Variants in ASXL3 observed in about 807,000 individuals in gnomAD.
The protein encoded by ASXL3 is ASXL transcriptional regulator 3, also known as putative Polycomb group protein ASXL3.
Under a neutral mutation model 170.6 loss-of-function variants are expected in ASXL3, and 34 were observed. That is an observed-to-expected ratio of 0.20 (90% CI 0.15 to 0.27). ASXL3 has a LOEUF of 0.27. Ranked by LOEUF, ASXL3 falls within the 10% of genes least tolerant of loss-of-function variation. ASXL3 has a pLI of 1.00. For synonymous variants in ASXL3, 1,002 were observed against 989.1 expected (o/e 1.01, Z -0.24); for missense variants, 2,592 against 2,695.3 (o/e 0.96, Z 0.85).
At chr18:33,664,527 T>C (rs1003668396) in intron 5 of ASXL3, among the ~76,000 whole-genome samples, 4 of 152,218 alleles carry the variant, frequency 2.6e-5, no homozygotes, top group Non-Finnish European at 5.9e-5. Flanking sequence ...AGTAGGACTT[T>C]AGTAGTCTAT....
chr18:33,745,014 G>A lies in ASXL3; in HGVS notation c.5166G>A (p.Leu1722=). 1 of 1,614,004 alleles carries A rather than the reference G, an allele frequency of 6.2e-7. No individual in the cohort carries two copies. The highest frequency in any genetic ancestry group is 2.2e-5 in the East Asian group (1 of 44,870). The part of the protein sequence containing the change: ...TSSPMEEAIS[L]ATDALKRVPG... ...GTCCCATGGAAGAGGCTATTTCCTT[G>A]GCTACCGATGCCCTGAAGAGAGTCC... The change falls in exon 12 of 12, where the codon TTG becomes TTA. Residue 1722 remains leucine (L), a synonymous_variant. Transcript: ENST00000269197.
intron 8 of ASXL3, among the ~76,000 whole-genome samples, chr18:33,713,237 TGTTTTG>T (rs1400767650): frequency 0.07 from 6,077 of 86,940 alleles, 1,215 homozygotes; most frequent in Non-Finnish European, 0.083. Flanking sequence ...AGGTTTTTTT[TGTTTTG>T]TTTTGTTTTT....
At chr18:33,581,774 C>T (rs1263634191) in intron 1 of ASXL3, among the ~76,000 whole-genome samples, 1 of 152,118 alleles carries the variant, frequency 6.6e-6, no homozygotes, top group Non-Finnish European at 1.5e-5. Context: ...AGCTATCAAG[C>T]TGTATCATTT....
intron 2 of ASXL3, chr18:33,609,113 A>G: frequency 1.0e-6 from 1 of 959,354 alleles, no homozygotes; most frequent in Non-Finnish European, 1.2e-6. Context: ...GTTAAAGGAG[A>G]TCCTATTTTA....
intron 8 of ASXL3, among the ~76,000 whole-genome samples, chr18:33,723,811 C>T (rs2067301590): frequency 6.6e-6 from 1 of 152,092 alleles, no homozygotes; most frequent in South Asian, 2.1e-4. Flanking sequence ...TTATTGTCAG[C>T]TTATTTTAAG....
intron 8 of ASXL3, among the ~76,000 whole-genome samples, chr18:33,712,566 G>C (rs1187015097): frequency 6.6e-6 from 1 of 152,120 alleles, no homozygotes; most frequent in Non-Finnish European, 1.5e-5. Context: ...TGAAACAAAA[G>C]CTCCTCTGAT....
Position 33,624,974 on chromosome 18 carries a change from C to T in ASXL3, c.137+17298C>T, listed in dbSNP as rs74415857. 4.8e-3 allele frequency among the ~76,000 whole-genome samples: 727 copies of T among 152,154 alleles called. 7 individuals are homozygous for T. Among genetic ancestry groups the T allele is most frequent in the African/African-American group, 0.017 (688 of 41,520 alleles). ...TAATTATGAACAGTAATCTGGTTTC[C>T]GAGATTCTTGTAAATTGCACATACA... On this transcript the variant is annotated intron_variant, in intron 2 of 11. Transcript: ENST00000269197.
At chr18:33,667,007 A>G (rs542053331) in intron 5 of ASXL3, among the ~76,000 whole-genome samples, 33 of 152,272 alleles carry the variant, frequency 2.2e-4, no homozygotes, top group African/African-American at 7.9e-4. Flanking sequence ...TACTTAGGTG[A>G]GAGGAGCCCT....
At chr18:33,652,755 A>G (rs1011659769) in intron 4 of ASXL3, among the ~76,000 whole-genome samples, 2 of 151,960 alleles carry the variant, frequency 1.3e-5, no homozygotes, top group South Asian at 4.1e-4. Context: ...GATTCTTGGC[A>G]GAGTTGTGTT....
At chr18:33,681,772 T>C (rs981677048) in intron 7 of ASXL3, among the ~76,000 whole-genome samples, 3 of 151,962 alleles carry the variant, frequency 2.0e-5, no homozygotes, top group African/African-American at 7.3e-5. Context: ...TCTGTGTTTT[T>C]TTTAAAATTC....
At chr18:33,736,038 G>A (rs1282036411) in intron 10 of ASXL3, among the ~76,000 whole-genome samples, 1 of 152,060 alleles carries the variant, frequency 6.6e-6, no homozygotes, top group Non-Finnish European at 1.5e-5. Flanking sequence ...TCCATAAGAT[G>A]GATACCATTA....
intron 2 of ASXL3, among the ~76,000 whole-genome samples, chr18:33,641,019 ATTATG>A (rs977208624): frequency 1.3e-5 from 2 of 152,080 alleles, no homozygotes; most frequent in African/African-American, 4.8e-5. Context: ...ATTATAAATC[ATTATG>A]TTATATATAA....
chr18:33,699,694 T>C (rs2066836908), intron 8 of ASXL3, among the ~76,000 whole-genome samples: 1 of 152,060 alleles, frequency 6.6e-6, no homozygotes, highest in African/African-American at 2.4e-5. Context: ...ATGGAACGTG[T>C]GCAATGGAAC....
chr18:33,745,358 A>G lies in ASXL3; in HGVS notation c.5510A>G (p.Glu1837Gly). The G allele has an allele frequency of 3.7e-6, 6 of 1,613,994 alleles. No homozygotes were observed. The highest frequency in any genetic ancestry group is 5.1e-6 in the Non-Finnish European group (6 of 1,179,886). The change falls in exon 12 of 12, where the codon GAA (glutamate) becomes GGA (glycine). Residue 1837 changes from glutamate to glycine, a missense_variant. Physicochemically the swap from Glu to Gly is moderately conservative, Grantham distance 98. Transcript: ENST00000269197. ...AAGAGAGTAGCTAGGACTGTAGGAG[A>G]ACACACTCAAGTTAAATGTGAACCA... The part of the protein sequence containing the change: ...PKKRVARTVG[E>G]HTQVKCEPGK...
At chr18:33,619,857 A>G (rs1322805052) in intron 2 of ASXL3, among the ~76,000 whole-genome samples, 2 of 152,054 alleles carry the variant, frequency 1.3e-5, no homozygotes, top group Non-Finnish European at 2.9e-5. Flanking sequence ...TACCTCCACA[A>G]TGTTTAGGTC....
At chr18:33,612,276 A>T (rs1456166023) in intron 2 of ASXL3, among the ~76,000 whole-genome samples, 1 of 152,050 alleles carries the variant, frequency 6.6e-6, no homozygotes, top group Non-Finnish European at 1.5e-5. Context: ...ACATTTTAAC[A>T]ATATTAGAGA....
chr18:33,668,716 C>G (rs918148337), intron 5 of ASXL3, among the ~76,000 whole-genome samples: 1 of 151,998 alleles, frequency 6.6e-6, no homozygotes, highest in Non-Finnish European at 1.5e-5. Flanking sequence ...TGTCTGATTA[C>G]TAATTTTTCT....
intron 7 of ASXL3, among the ~76,000 whole-genome samples, chr18:33,682,480 C>T (rs1361871936): frequency 6.6e-6 from 1 of 152,116 alleles, no homozygotes; most frequent in Non-Finnish European, 1.5e-5. Flanking sequence ...TGTTGGAGGT[C>T]AGTGTGCCTT....
intron 2 of ASXL3, among the ~76,000 whole-genome samples, chr18:33,631,187 A>G (rs2065671370): frequency 6.6e-6 from 1 of 152,072 alleles, no homozygotes; most frequent in South Asian, 2.1e-4. Flanking sequence ...ATATGAAGAG[A>G]TTATTAAAAC....
Sources: allele counts gnomAD v4.1 joint callset (sites outside exome capture counted in the v4.1 genomes callset), GRCh38; gene constraint gnomAD v4.1.1; transcripts MANE v1.5; gene names NCBI Gene and HGNC (gene_info 2026-07-23, HGNC 2026-07-21).